FOXL1: variants seen among roughly 807,000 people sequenced by gnomAD.
FOXL1 encodes the protein forkhead box L1, also known as forkhead box protein L1.
In FOXL1, 2 loss-of-function variants were observed where a neutral mutation model predicts 1.7. The ratio of observed to expected loss-of-function variants is 1.21; its 90% confidence interval spans 0.49 to 3.80. The LOEUF (loss-of-function observed/expected upper bound fraction) is 3.80, where lower values mean the gene tolerates loss of function less well. FOXL1 is among the 30% of genes most tolerant of loss of function. The pLI is 0.07. For missense variants in FOXL1, 565 were observed against 495.8 expected (o/e 1.14, Z -1.32); for synonymous variants, 280 against 229.3 (o/e 1.22, Z -2.00).
Position 86,578,559 on chromosome 16 carries a change from AAGCCATGAAGAAGGG to A in FOXL1, c.-163_-149del, listed in dbSNP as rs1974366662. On this transcript the variant is annotated 5_prime_UTR_variant, in exon 1 of 1. An upstream start codon of the reference 5' UTR is lost. Coordinates refer to ENST00000320241, the MANE Select transcript of FOXL1 (RefSeq NM_005250.3). ...TTACAACAATTATTTAACATTTTTA[AAGCCATGAAGAAGGG>A]ACAGAGCACGGAGCGGCCGGGGAGA... 8.4e-6 allele frequency: 5 copies of A among 594,404 alleles called. No homozygotes were observed. The highest frequency in any genetic ancestry group is 1.2e-5 in the Non-Finnish European group (4 of 338,068). The allele number at this position is 594,404 out of a possible 1,614,324, so 36.8% of individuals were successfully genotyped here. A position where few individuals can be genotyped will look rare whatever the true frequency, so the allele number is the denominator to read the frequency against.
rs1245316186 is a variant in FOXL1 at position 86,579,883 on chromosome 16, G to C, written c.*122G>C. The C allele has an allele frequency of 3.9e-6, 4 of 1,024,350 alleles. No individual in the cohort carries two copies. Among genetic ancestry groups the C allele is most frequent in the Non-Finnish European group, 5.7e-6 (4 of 698,684 alleles). The allele number at this position is 1,024,350 out of a possible 1,614,324, so 63.5% of individuals were successfully genotyped here. On this transcript the variant is annotated 3_prime_UTR_variant, in exon 1 of 1. Transcript: ENST00000320241. ...TGCCTGGGTCGGCCTGTGGGTTCAG[G>C]GAAGTGTTACCAACCATTGCGCGCA...
In FOXL1 at chr16:86,581,740, G is replaced by C. The variant is rs1974416224; in HGVS notation, c.*1979G>C. The C allele has an allele frequency of 6.0e-6, 1 of 166,922 alleles. No homozygotes were observed. The highest frequency in any genetic ancestry group is 1.9e-4 in the East Asian group (1 of 5,204). The allele number at this position is 166,922 out of a possible 1,614,324, so 10.3% of individuals were successfully genotyped here. On this transcript the variant is annotated 3_prime_UTR_variant, in exon 1 of 1. Coordinates refer to ENST00000320241, the MANE Select transcript of FOXL1 (RefSeq NM_005250.3). ...ATTACTGGAGGGAAATAAACAAACA[G>C]TGTAATAAGAAAGAGGAGACTGGGA...
chr16:86,582,717 G>T lies in FOXL1; in HGVS notation c.*2956G>T, dbSNP rs1455069065. ...GAATGCTCATAAATGTATCTTTTTTGAATATACCTGAGACTCAGATCAAGT... is the reference window on the plus strand; with the variant it reads ...GAATGCTCATAAATGTATCTTTTTTTAATATACCTGAGACTCAGATCAAGT... On this transcript the variant is annotated 3_prime_UTR_variant, in exon 1 of 1. Coordinates refer to ENST00000320241, the MANE Select transcript of FOXL1 (RefSeq NM_005250.3). Among the ~76,000 whole-genome samples the T allele has an allele frequency of 1.3e-5, 2 of 151,816 alleles. No homozygotes were observed. The highest frequency in any genetic ancestry group is 2.4e-5 in the African/African-American group (1 of 41,272).
In FOXL1 at chr16:86,579,819, G is replaced by A; in HGVS notation, c.*58G>A. On this transcript the variant is annotated 3_prime_UTR_variant, in exon 1 of 1. Transcript: ENST00000320241. ...AGCCTGAGCCTCCGCTGAGCGAAAGGCCACAGCTCCCACCGGCGGAGGATT... is the reference window on the plus strand; with the variant it reads ...AGCCTGAGCCTCCGCTGAGCGAAAGACCACAGCTCCCACCGGCGGAGGATT... 10 of 1,456,824 alleles carry A rather than the reference G, an allele frequency of 6.9e-6. No individual in the cohort carries two copies. Among genetic ancestry groups the A allele is most frequent in the Non-Finnish European group, 8.6e-6 (9 of 1,050,156 alleles). The allele number at this position is 1,456,824 out of a possible 1,614,324, so 90.2% of individuals were successfully genotyped here.
chr16:86,582,845 A>G lies in FOXL1; in HGVS notation c.*3084A>G, dbSNP rs973612379. 2.6e-5 allele frequency among the ~76,000 whole-genome samples: 4 copies of G among 152,030 alleles called. No individual in the cohort carries two copies. The highest frequency in any genetic ancestry group is 7.3e-5 in the African/African-American group (3 of 41,358). On this transcript the variant is annotated 3_prime_UTR_variant, in exon 1 of 1. Coordinates refer to ENST00000320241, the MANE Select transcript of FOXL1 (RefSeq NM_005250.3). Reference sequence around the variant, plus strand: ...ATAATAATTTCTATATAGCTTTAATAGTTTTGTTTCTCTATGTAGTATGAA... The same window carrying G: ...ATAATAATTTCTATATAGCTTTAATGGTTTTGTTTCTCTATGTAGTATGAA...
chr16:86,582,946 G>A lies in FOXL1; in HGVS notation c.*3185G>A, dbSNP rs1184078036. Among the ~76,000 whole-genome samples the A allele has an allele frequency of 2.7e-5, 4 of 150,728 alleles. No individual in the cohort carries two copies. The highest frequency in any genetic ancestry group is 2.9e-5 in the Non-Finnish European group (2 of 67,870). ...TATTTAAACATCGCGGAAGACACCC[G>A]CTTTGAGAACTTTTCCCTCCGTTCA... On this transcript the variant is annotated 3_prime_UTR_variant, in exon 1 of 1. Transcript: ENST00000320241.
Position 86,582,301 on chromosome 16 carries a change from G to C in FOXL1, c.*2540G>C, listed in dbSNP as rs140076812. ...TACCAATCCGAATAGCTGTTCTATT[G>C]ATCCATATTTAATCGTTGGCTCAAA... is the stretch of plus-strand genomic sequence containing the variant. On this transcript the variant is annotated 3_prime_UTR_variant, in exon 1 of 1. Coordinates refer to ENST00000320241, the MANE Select transcript of FOXL1 (RefSeq NM_005250.3). 2.0e-5 allele frequency: 3 copies of C among 152,270 alleles called. No homozygotes were observed. The East Asian group carries it at 5.8e-4, about 29-fold the overall frequency. The allele number at this position is 152,270 out of a possible 1,614,324, so 9.4% of individuals were successfully genotyped here.
At position 86,581,821 on chromosome 16, in the gene FOXL1, C is replaced by G. The variant is rs1261565362; in HGVS notation, c.*2060C>G. On this transcript the variant is annotated 3_prime_UTR_variant, in exon 1 of 1. Coordinates refer to ENST00000320241, the MANE Select transcript of FOXL1 (RefSeq NM_005250.3). ...GAGGCTCTGGCTTCTGAGGGGTAAA[C>G]ACACAGATGGAGGGGAAGGAGTGGA... The G allele has an allele frequency of 2.4e-5, 4 of 164,384 alleles. No homozygotes were observed. The highest frequency in any genetic ancestry group is 5.9e-5 in the Non-Finnish European group (4 of 68,104). 10.2% of individuals were successfully genotyped at this position (164,384 alleles called of 1,614,324 possible).
In FOXL1 at chr16:86,578,685, C is replaced by T; in HGVS notation, c.-39C>T. 1.3e-6 allele frequency: 2 copies of T among 1,549,976 alleles called. No homozygotes were observed. The highest frequency in any genetic ancestry group is 1.4e-5 in the African/African-American group (1 of 73,650). ...CGCAGTGCCTAGGCCGCCCGGGTCT[C>T]CTGCGTTGCGGGGAGCGCAGCGCAG... On this transcript the variant is annotated 5_prime_UTR_variant, in exon 1 of 1. Coordinates refer to ENST00000320241, the MANE Select transcript of FOXL1 (RefSeq NM_005250.3).
rs1415622363 is a variant in FOXL1 at position 86,581,403 on chromosome 16, A to G, written c.*1642A>G. ...TGTTGGTCAATGTGTTGGAAAGGACATTTCAGGCCGGCAGAGTAATTGGAT... is the reference window on the plus strand; with the variant it reads ...TGTTGGTCAATGTGTTGGAAAGGACGTTTCAGGCCGGCAGAGTAATTGGAT... On this transcript the variant is annotated 3_prime_UTR_variant, in exon 1 of 1. Transcript: ENST00000320241. The G allele has an allele frequency of 1.8e-5, 3 of 167,116 alleles. No individual in the cohort carries two copies. The highest frequency in any genetic ancestry group is 4.4e-5 in the Non-Finnish European group (3 of 68,128). 10.4% of individuals were successfully genotyped at this position (167,116 alleles called of 1,614,324 possible).
rs1275095875 is a variant in FOXL1, at chr16:86,582,970, C to T, written c.*3209C>T. ...CGCTTTGAGAACTTTTCCCTCCGTT[C>T]ACAAGGACAGAGAACTTTACAAAGG... is the stretch of plus-strand genomic sequence containing the variant. On this transcript the variant is annotated 3_prime_UTR_variant, in exon 1 of 1. Transcript: ENST00000320241. Among the ~76,000 whole-genome samples, 5 of 150,426 alleles carry T rather than the reference C, an allele frequency of 3.3e-5. No homozygotes were observed. The highest frequency in any genetic ancestry group is 1.2e-4 in the African/African-American group (5 of 40,794).
rs376837550 is a variant in FOXL1 at position 86,579,699 on chromosome 16, G to A, written c.976G>A (p.Gly326Arg). Residue 326 changes from glycine (G) to arginine (R), a missense_variant, in exon 1 of 1, where the codon GGG becomes AGG. Physicochemically the swap from Gly to Arg is moderately radical, Grantham distance 125. Transcript: ENST00000320241. ...TGTCCAGGGCGGCTTTTACCAGCTCGGGATCCCCTTCCTCTCTTATTTCCC... is the reference window on the plus strand; with the variant it reads ...TGTCCAGGGCGGCTTTTACCAGCTCAGGATCCCCTTCCTCTCTTATTTCCC... ...PHVQGGFYQLGIPFLSYFPLQ... is the reference protein window; with the variant it reads ...PHVQGGFYQLRIPFLSYFPLQ... 2.6e-5 allele frequency: 41 copies of A among 1,605,086 alleles called. No homozygotes were observed. The highest frequency in any genetic ancestry group is 3.3e-4 in the Middle Eastern group (2 of 6,080).
rs549768061 is a variant in FOXL1 at position 86,582,537 on chromosome 16, C to T, written c.*2776C>T. On this transcript the variant is annotated 3_prime_UTR_variant, in exon 1 of 1. Coordinates refer to ENST00000320241, the MANE Select transcript of FOXL1 (RefSeq NM_005250.3). ...ATTACACACACACACAAACAAATAC[C>T]CACACACATATGAGTGCACTGATCA... 2.0e-5 allele frequency among the ~76,000 whole-genome samples: 3 copies of T among 152,036 alleles called. No homozygotes were observed. The highest frequency in any genetic ancestry group is 4.8e-5 in the African/African-American group (2 of 41,434).
At position 86,580,070 on chromosome 16, in the gene FOXL1, G is replaced by A. The variant is rs1044925730; in HGVS notation, c.*309G>A. The A allele has an allele frequency of 5.4e-6, 2 of 369,164 alleles. No homozygotes were observed. The highest frequency in any genetic ancestry group is 5.3e-5 in the South Asian group (1 of 18,754). 22.9% of individuals were successfully genotyped at this position (369,164 alleles called of 1,614,324 possible). On this transcript the variant is annotated 3_prime_UTR_variant, in exon 1 of 1. Coordinates refer to ENST00000320241, the MANE Select transcript of FOXL1 (RefSeq NM_005250.3). ...CTTGACGTTTGACCTGTCTAATGGAGTGTGGTCTTCAGCCGCCCACCGCAG... is the reference window on the plus strand; with the variant it reads ...CTTGACGTTTGACCTGTCTAATGGAATGTGGTCTTCAGCCGCCCACCGCAG...
In FOXL1 at chr16:86,580,541, A is replaced by G. The variant is rs550928994; in HGVS notation, c.*780A>G. On this transcript the variant is annotated 3_prime_UTR_variant, in exon 1 of 1. Coordinates refer to ENST00000320241, the MANE Select transcript of FOXL1 (RefSeq NM_005250.3). ...GCTTGTATTAACAATTTTTATTAAG[A>G]AAGTGCACTCTATATAACATCTTCT... 1 of 166,984 alleles carries G rather than the reference A, an allele frequency of 6.0e-6. No individual in the cohort carries two copies. The highest frequency in any genetic ancestry group is 6.5e-5 in the Admixed American group (1 of 15,308). 10.3% of individuals were successfully genotyped at this position (166,984 alleles called of 1,614,324 possible).
Position 86,579,902 on chromosome 16 carries a change from G to A in FOXL1, c.*141G>A. 1.2e-6 allele frequency: 1 copy of A among 851,746 alleles called. No individual in the cohort carries two copies. The highest frequency in any genetic ancestry group is 1.8e-5 in the South Asian group (1 of 54,786). The allele number at this position is 851,746 out of a possible 1,614,324, so 52.8% of individuals were successfully genotyped here. A position where few individuals can be genotyped will look rare whatever the true frequency, so the allele number is the denominator to read the frequency against. On this transcript the variant is annotated 3_prime_UTR_variant, in exon 1 of 1. Transcript: ENST00000320241. Reference sequence around the variant, plus strand: ...GTTCAGGGAAGTGTTACCAACCATTGCGCGCAGGTGGGCGCGCTCGCCTGC... The same window carrying A: ...GTTCAGGGAAGTGTTACCAACCATTACGCGCAGGTGGGCGCGCTCGCCTGC...
chr16:86,582,315 C>T lies in FOXL1; in HGVS notation c.*2554C>T, dbSNP rs753339127. On this transcript the variant is annotated 3_prime_UTR_variant, in exon 1 of 1. Transcript: ENST00000320241. Reference sequence around the variant, plus strand: ...GCTGTTCTATTGATCCATATTTAATCGTTGGCTCAAAATTATGGCTCAATA... The same window carrying T: ...GCTGTTCTATTGATCCATATTTAATTGTTGGCTCAAAATTATGGCTCAATA... Among the ~76,000 whole-genome samples the T allele has an allele frequency of 9.9e-5, 15 of 152,274 alleles. No homozygotes were observed. Among genetic ancestry groups the T allele is most frequent in the South Asian group, 2.1e-4 (1 of 4,824 alleles).
At position 86,583,162 on chromosome 16, in the gene FOXL1, A is replaced by C. The variant is rs1974433070; in HGVS notation, c.*3401A>C. On this transcript the variant is annotated 3_prime_UTR_variant, in exon 1 of 1. Coordinates refer to ENST00000320241, the MANE Select transcript of FOXL1 (RefSeq NM_005250.3). ...ATGGTGGTCTTCACCATTTCACTCAAAGTGGTGAGTGTATGCCCGTGTGTA... is the reference window on the plus strand; with the variant it reads ...ATGGTGGTCTTCACCATTTCACTCACAGTGGTGAGTGTATGCCCGTGTGTA... Among the ~76,000 whole-genome samples the C allele has an allele frequency of 6.6e-6, 1 of 151,758 alleles. No individual in the cohort carries two copies. Among genetic ancestry groups the C allele is most frequent in the African/African-American group, 2.4e-5 (1 of 41,242 alleles).
Position 86,579,337 on chromosome 16 carries a change from C to A in FOXL1, c.614C>A (p.Pro205His). The A allele has an allele frequency of 6.8e-7, 1 of 1,478,614 alleles. No homozygotes were observed. Among genetic ancestry groups the A allele is most frequent in the South Asian group, 1.3e-5 (1 of 77,084 alleles). 91.6% of individuals were successfully genotyped at this position (1,478,614 alleles called of 1,614,324 possible). A position where few individuals can be genotyped will look rare whatever the true frequency, so the allele number is the denominator to read the frequency against. ...PLLDGPSPPA[P>H]LHWPGTASPN... ...CTGGACGGCCCCTCTCCGCCGGCGCCCCTCCACTGGCCGGGGACCGCGTCC... is the reference window on the plus strand; with the variant it reads ...CTGGACGGCCCCTCTCCGCCGGCGCACCTCCACTGGCCGGGGACCGCGTCC... Residue 205 changes from proline to histidine, a missense_variant, in exon 1 of 1, where the codon CCC (proline) becomes CAC (histidine). Coordinates refer to ENST00000320241, the MANE Select transcript of FOXL1 (RefSeq NM_005250.3).
Sources: gnomAD v4.1 joint callset for allele counts (sites outside exome capture counted in the v4.1 genomes callset) on GRCh38, gnomAD v4.1.1 for gene constraint, MANE v1.5 for transcripts, NCBI Gene and HGNC (gene_info 2026-07-23, HGNC 2026-07-21) for gene names.